MYBPC1: variants seen among roughly 807,000 people sequenced by gnomAD.
MYBPC1 encodes myosin-binding protein C, slow-type.
MYBPC1 carries 52 observed loss-of-function variants against 147.1 expected under a neutral mutation model. The observed-to-expected ratio is 0.35, with a 90% CI of 0.28 to 0.45. The LOEUF is 0.45. MYBPC1 is among the 20% of genes least tolerant of loss of function. The pLI is 1.00. For synonymous variants in MYBPC1, 477 were observed against 475.9 expected, an observed-to-expected ratio of 1.00 and a Z score of -0.03; for missense variants, 1,228 against 1,440.3, an observed-to-expected ratio of 0.85 and a Z score of 2.39.
At position 101,651,487 on chromosome 12, in the gene MYBPC1, T is replaced by C. The variant is rs1894430042; in HGVS notation, c.1526+94T>C. ...ATATTTGGTGAGGATATTTGAAGGGTAGCCATAGGGAGATCATCTATTCCT... is the reference window on the plus strand; with the variant it reads ...ATATTTGGTGAGGATATTTGAAGGGCAGCCATAGGGAGATCATCTATTCCT... On this transcript the variant is annotated intron_variant, in intron 16 of 31. Transcript: ENST00000361466. 17 of 1,511,296 alleles carry C rather than the reference T, an allele frequency of 1.1e-5. No individual in the cohort carries two copies. The South Asian group carries it at 1.9e-4, about 17-fold the overall frequency. 93.6% of individuals were successfully genotyped at this position (1,511,296 alleles called of 1,614,324 possible). A position where few individuals can be genotyped will look rare whatever the true frequency, so the allele number is the denominator to read the frequency against.
intron 22 of MYBPC1, among the ~76,000 whole-genome samples, chr12:101,664,904 C>T (rs1897173458): frequency 6.6e-6 from 1 of 152,148 alleles, no homozygotes; most frequent in African/African-American, 2.4e-5. Context: ...ATCCTCCTGC[C>T]CCCATTTAAA....
At chr12:101,669,835 G>A (rs889802551) in intron 23 of MYBPC1, 18 of 252,172 alleles carry the variant, frequency 7.1e-5, no homozygotes, top group African/African-American at 3.5e-4. Flanking sequence ...TACTTGGGAG[G>A]CTGAGACATG....
chr12:101,680,801 T>C lies in MYBPC1; in HGVS notation c.3433+272T>C, dbSNP rs77266293. On this transcript the variant is annotated intron_variant, in intron 29 of 31. Coordinates refer to ENST00000361466, the MANE Select transcript of MYBPC1 (RefSeq NM_002465.4). Reference sequence around the variant, plus strand: ...GTGATTTGTGCTAAGGGACTGTTAATTTCAGTGGAATGTTAGTGTGTGTAC... The same window carrying C: ...GTGATTTGTGCTAAGGGACTGTTAACTTCAGTGGAATGTTAGTGTGTGTAC... 0.041 allele frequency among the ~76,000 whole-genome samples: 6,179 copies of C among 152,290 alleles called. 197 individuals carry two copies. Among genetic ancestry groups the C allele is most frequent in the South Asian group, 0.14 (694 of 4,820 alleles).
intron 3 of MYBPC1, among the ~76,000 whole-genome samples, chr12:101,619,037 A>G (rs968989713): frequency 6.6e-6 from 1 of 152,162 alleles, no homozygotes; most frequent in African/African-American, 2.4e-5. Flanking sequence ...ATAAATATAC[A>G]GTCCTCTTCA....
intron 1 of MYBPC1, among the ~76,000 whole-genome samples, chr12:101,612,065 G>T (rs1279574845): frequency 1.5e-5 from 2 of 136,936 alleles, no homozygotes; most frequent in Non-Finnish European, 3.0e-5. Context: ...GACAGAGCGA[G>T]ACTCCATCTC....
At position 101,651,272 on chromosome 12, in the gene MYBPC1, G is replaced by A. The variant is rs200002296; in HGVS notation, c.1405G>A (p.Val469Ile). The A allele has an allele frequency of 7.4e-6, 12 of 1,613,922 alleles. 1 individual carries two copies. Among genetic ancestry groups the A allele is most frequent in the Middle Eastern group, 3.3e-4 (2 of 6,084 alleles). The change falls in exon 16 of 32, where the codon GTA (valine) becomes ATA (isoleucine). Residue 469 changes from valine to isoleucine, a missense_variant. Around this residue, in one of 2 missense-constraint regions of MYBPC1, gnomAD observed 1,077 missense variants for 1,314.2 expected, o/e 0.82. Coordinates refer to ENST00000361466, the MANE Select transcript of MYBPC1 (RefSeq NM_002465.4). ...KILTPLTDQT[V>I]NLGKEICLKC... ...TTTGACACCTCTGACTGATCAGACT[G>A]TAAATCTTGGAAAAGAAATCTGCCT...
the MYBPC1 span, among the ~76,000 whole-genome samples, chr12:101,695,170 C>T: frequency 6.6e-6 from 1 of 152,206 alleles, no homozygotes; most frequent in Admixed American, 6.5e-5. Context: ...CAATGAGATA[C>T]ATAATACAAC....
At position 101,661,134 on chromosome 12, in the gene MYBPC1, T is replaced by A. The variant is rs772802617; in HGVS notation, c.1928-24T>A. ...CTACTCCCTCTTCCTTATTTTACTT[T>A]ATCCTATTTTTTGTCTGCCACAGAC... On this transcript the variant is annotated intron_variant, in intron 19 of 31. Coordinates refer to ENST00000361466, the MANE Select transcript of MYBPC1 (RefSeq NM_002465.4). 2.0e-6 allele frequency: 3 copies of A among 1,533,000 alleles called. No individual in the cohort carries two copies. In the South Asian group the frequency reaches 3.4e-5, roughly 17 times the overall value. The allele number at this position is 1,533,000 out of a possible 1,614,324, so 95.0% of individuals were successfully genotyped here.
intron 13 of MYBPC1, 97 bp from the exon 14 acceptor site, chr12:101,647,948 C>A: frequency 1.0e-6 from 1 of 957,586 alleles, no homozygotes; most frequent in Non-Finnish European, 1.7e-6. Context: ...ATAGATGTTG[C>A]TTTCTCACTG....
chr12:101,647,296 C>T (rs1214835477), intron 13 of MYBPC1, among the ~76,000 whole-genome samples: 3 of 152,168 alleles, frequency 2.0e-5, no homozygotes, highest in Non-Finnish European at 4.4e-5. Flanking sequence ...GGTGTGAATA[C>T]AGCCATGTCT....
rs780287009 is a variant in MYBPC1, at chr12:101,670,363, A to G, written c.2567A>G (p.Tyr856Cys). 4.3e-6 allele frequency: 7 copies of G among 1,614,014 alleles called. No individual in the cohort carries two copies. The African/African-American group carries it at 6.7e-5, about 15-fold the overall frequency. The change falls in exon 24 of 32, where the codon TAT becomes TGT. Residue 856 changes from tyrosine to cysteine, a missense_variant. Physicochemically the swap from Tyr to Cys is radical, Grantham distance 194. This residue lies in a region of MYBPC1 where 1,077 missense variants were observed against 1,314.2 expected (regional missense o/e 0.82). Transcript: ENST00000361466. ...ATTCCAAGACACCTGAAGCAAACCT[A>G]TATCCGCAGAGTTGGAGAAGCTGTC... The part of the protein sequence containing the change: ...IRIPRHLKQT[Y>C]IRRVGEAVNL...
chr12:101,637,377 T>A (rs895915501), intron 10 of MYBPC1, among the ~76,000 whole-genome samples: 1 of 152,268 alleles, frequency 6.6e-6, no homozygotes, highest in East Asian at 1.9e-4. Context: ...TCATTATGGA[T>A]ACTTAGAACA....
chr12:101,605,644 T>C (rs540818496), intron 1 of MYBPC1, among the ~76,000 whole-genome samples: 109 of 152,284 alleles, frequency 7.2e-4, no homozygotes, highest in African/African-American at 2.6e-3. Flanking sequence ...GTGGATCACC[T>C]GAGGTCAGGA....
At position 101,644,689 on chromosome 12, in the gene MYBPC1, A is replaced by G. The variant is rs540839265; in HGVS notation, c.858A>G (p.Ala286=). The G allele has an allele frequency of 1.5e-5, 24 of 1,613,998 alleles. No homozygotes were observed. The Admixed American group carries it at 2.2e-4, about 15-fold the overall frequency. The change falls in exon 12 of 32, where the codon GCA becomes GCG. Residue 286 remains alanine (A), a synonymous_variant. Transcript: ENST00000361466. ...CTTTTGCAAAAATTCTTGATCCTGC[A>G]TATCAGGTTGACAAAGGAGGCAGAG... ...SAAFAKILDP[A]YQVDKGGRVR... is the part of the protein sequence containing the mutation.
At chr12:101,631,965 C>T (rs985989664) in intron 7 of MYBPC1, 56 bp from the exon 8 acceptor site, 18 of 1,458,780 alleles carry the variant, frequency 1.2e-5, no homozygotes, top group Non-Finnish European at 1.3e-5. Context: ...TAAGCCAATG[C>T]TGAGAAATTT....
chr12:101,653,291 T>G (rs372200695), intron 18 of MYBPC1, 43 bp downstream of exon 18: 162 of 1,607,934 alleles, frequency 1.0e-4, no homozygotes, highest in Non-Finnish European at 1.4e-4. Context: ...CACACACATA[T>G]GCAGACACAC....
chr12:101,616,948 C>A (rs1454110081), intron 2 of MYBPC1, among the ~76,000 whole-genome samples: 1 of 152,150 alleles, frequency 6.6e-6, no homozygotes, highest in Non-Finnish European at 1.5e-5. Context: ...TGCATTTTAA[C>A]AAAATCTGTA....
intron 1 of MYBPC1, chr12:101,600,298 A>T (rs1306023535): frequency 6.6e-6 from 1 of 151,836 alleles, no homozygotes; most frequent in African/African-American, 2.4e-5. Context: ...ACAGCCTTGA[A>T]ACTTTTTTTT....
intron 2 of MYBPC1, among the ~76,000 whole-genome samples, chr12:101,615,887 T>C (rs571847875): frequency 6.6e-6 from 1 of 152,204 alleles, no homozygotes; most frequent in East Asian, 1.9e-4. Context: ...TCTTTTTTCT[T>C]TGTTTTCTTT....
Sources: gnomAD v4.1 joint callset for allele counts (sites outside exome capture counted in the v4.1 genomes callset) on GRCh38, gnomAD v4.1.1 for gene constraint, gnomAD v4.1.1 regional missense constraint, MANE v1.5 for transcripts, NCBI Gene and HGNC (gene_info 2026-07-23, HGNC 2026-07-21) for gene names.